EPHA5: variants seen among roughly 807,000 people sequenced by gnomAD.
EPHA5 encodes EPH receptor A5.
Under a neutral mutation model 105.0 loss-of-function variants are expected in EPHA5, and 60 were observed. The observed-to-expected ratio is 0.57, with a 90% confidence interval of 0.46 to 0.71. The LOEUF (loss-of-function observed/expected upper bound fraction) is 0.71, where lower values mean the gene tolerates loss of function less well. Ranked by LOEUF, EPHA5 falls within the 30% of genes least tolerant of loss-of-function variation. The pLI is 0.00. For synonymous variants in EPHA5, 513 were observed against 449.1 expected, an observed-to-expected ratio of 1.14 and a Z score of -1.80; for missense variants, 1,218 against 1,274.7, an observed-to-expected ratio of 0.96 and a Z score of 0.68.
At position 65,630,778 on chromosome 4, in the gene EPHA5, G is replaced by A. The variant is rs150896378; in HGVS notation, c.246+12585C>T. 6.1e-4 allele frequency among the ~76,000 whole-genome samples: 93 copies of A among 152,234 alleles called. 2 individuals carry two copies. The East Asian group carries it at 0.017, about 28-fold the overall frequency. Reference sequence around the variant, plus strand: ...CAGTCAGAAGCAGGAACCAGAGAGAGAAAGCAACCCCTGCCTAGCTGAAGT... The same window carrying A: ...CAGTCAGAAGCAGGAACCAGAGAGAAAAAGCAACCCCTGCCTAGCTGAAGT... On this transcript the variant is annotated intron_variant, in intron 2 of 16. Coordinates refer to ENST00000613740, the MANE Select transcript of EPHA5 (RefSeq NM_001281766.3).
chr4:65,392,927 C>T (rs1459316796), intron 8 of EPHA5, among the ~76,000 whole-genome samples: 1 of 152,046 alleles, frequency 6.6e-6, no homozygotes, highest in Non-Finnish European at 1.5e-5. Context: ...TACTGGCCGG[C>T]AGAAGAGAGA....
At chr4:65,422,413 T>C (rs1724028623) in intron 5 of EPHA5, among the ~76,000 whole-genome samples, 1 of 152,092 alleles carries the variant, frequency 6.6e-6, no homozygotes, top group South Asian at 2.1e-4. Flanking sequence ...ATTTATCTTA[T>C]TTGTCTCCCT....
At chr4:65,605,397 A>G (rs1006677860) in intron 2 of EPHA5, among the ~76,000 whole-genome samples, 1 of 152,118 alleles carries the variant, frequency 6.6e-6, no homozygotes, top group African/African-American at 2.4e-5. Flanking sequence ...TTCTGGTATC[A>G]AGCGCCTGCT....
intron 3 of EPHA5, among the ~76,000 whole-genome samples, chr4:65,558,518 C>T (rs867856177): frequency 2.0e-5 from 3 of 151,962 alleles, no homozygotes; most frequent in African/African-American, 7.3e-5. Context: ...TCACTAAGCA[C>T]AGTAGTATAG....
intron 5 of EPHA5, among the ~76,000 whole-genome samples, chr4:65,485,405 G>A (rs1730783731): frequency 6.6e-6 from 1 of 151,782 alleles, no homozygotes; most frequent in East Asian, 1.9e-4. Flanking sequence ...TTTCTGGTCA[G>A]TAACATTATT....
At chr4:65,474,697 A>G (rs561629827) in intron 5 of EPHA5, among the ~76,000 whole-genome samples, 11 of 152,206 alleles carry the variant, frequency 7.2e-5, no homozygotes, top group Admixed American at 2.6e-4. Context: ...GCCAAACTAC[A>G]AAATAGCTAA....
At chr4:65,423,928 T>A (rs1284665507) in intron 5 of EPHA5, among the ~76,000 whole-genome samples, 2 of 152,036 alleles carry the variant, frequency 1.3e-5, no homozygotes, top group Non-Finnish European at 2.9e-5. Flanking sequence ...TGTATATCTA[T>A]ACATATTCCT....
chr4:65,414,888 TA>T (rs1723246966), intron 6 of EPHA5, among the ~76,000 whole-genome samples: 1 of 152,224 alleles, frequency 6.6e-6, no homozygotes, highest in African/African-American at 2.4e-5. Flanking sequence ...TTTAACTCAT[TA>T]GTGAATTCAA....
intron 3 of EPHA5, among the ~76,000 whole-genome samples, chr4:65,501,319 T>C (rs1468681819): frequency 6.6e-6 from 1 of 151,510 alleles, no homozygotes; most frequent in African/African-American, 2.4e-5. Context: ...GTCAAACTAC[T>C]TCTCTTCACT....
At chr4:65,612,744 T>C (rs370599858) in intron 2 of EPHA5, among the ~76,000 whole-genome samples, 1 of 152,196 alleles carries the variant, frequency 6.6e-6, no homozygotes, top group East Asian at 1.9e-4. Context: ...GGGGTTGTTA[T>C]TGTTTCTGTT....
At chr4:65,331,737 C>T in intron 16 of EPHA5, 3 of 1,208,600 alleles carry the variant, frequency 2.5e-6, no homozygotes, top group Non-Finnish European at 3.1e-6. Flanking sequence ...AGCTGTTATT[C>T]CAATTATTCA....
intron 3 of EPHA5, among the ~76,000 whole-genome samples, chr4:65,562,284 T>G (rs1395512449): frequency 1.3e-5 from 2 of 152,060 alleles, no homozygotes; most frequent in Non-Finnish European, 2.9e-5. Context: ...GTACAAAATT[T>G]TATTGACACT....
intron 1 of EPHA5, among the ~76,000 whole-genome samples, chr4:65,645,408 T>A (rs1378157230): frequency 6.6e-6 from 1 of 152,070 alleles, no homozygotes; most frequent in Admixed American, 6.6e-5. Flanking sequence ...ATGACGGCAA[T>A]CAAATTGAAC....
chr4:65,388,582 T>G (rs1384023902), intron 8 of EPHA5, among the ~76,000 whole-genome samples: 1 of 151,920 alleles, frequency 6.6e-6, no homozygotes, highest in African/African-American at 2.4e-5. Flanking sequence ...TGATGAGTAT[T>G]TTTTCATGTG....
intron 3 of EPHA5, among the ~76,000 whole-genome samples, chr4:65,508,233 A>G (rs1237320708): frequency 4.6e-5 from 7 of 152,132 alleles, no homozygotes; most frequent in African/African-American, 1.7e-4. Context: ...TTTGATTTGA[A>G]GTATACATTA....
chr4:65,334,745 T>C (rs1401361766), intron 15 of EPHA5, among the ~76,000 whole-genome samples: 2 of 151,990 alleles, frequency 1.3e-5, no homozygotes, highest in African/African-American at 4.8e-5. Flanking sequence ...ATTTAGAAAT[T>C]TTTAAATGCT....
At chr4:65,508,893 T>C (rs1057232526) in intron 3 of EPHA5, among the ~76,000 whole-genome samples, 2 of 152,142 alleles carry the variant, frequency 1.3e-5, no homozygotes, top group Non-Finnish European at 2.9e-5. Context: ...AATATAAATA[T>C]AGTACAGGAA....
chr4:65,403,230 C>A (rs998583765), intron 8 of EPHA5, among the ~76,000 whole-genome samples: 1 of 152,062 alleles, frequency 6.6e-6, no homozygotes, highest in African/African-American at 2.4e-5. Context: ...AGGATATAAT[C>A]AAAAATCTTT....
At chr4:65,592,840 G>C (rs1742803660) in intron 3 of EPHA5, among the ~76,000 whole-genome samples, 1 of 152,094 alleles carries the variant, frequency 6.6e-6, no homozygotes, top group Non-Finnish European at 1.5e-5. Flanking sequence ...CGACAACAAC[G>C]CTGCTTAAAA....
Sources: allele counts gnomAD v4.1 joint callset (sites outside exome capture counted in the v4.1 genomes callset), GRCh38; gene constraint gnomAD v4.1.1; transcripts MANE v1.5; gene names NCBI Gene and HGNC (gene_info 2026-07-23, HGNC 2026-07-21).